The following ARSJ variants were observed in gnomAD, a reference collection of about 807,000 sequenced individuals.
ARSJ encodes arylsulfatase family member J.
Under a neutral mutation model 35.9 loss-of-function variants are expected in ARSJ, and 26 were observed. The observed-to-expected ratio is 0.72, with a 90% CI of 0.53 to 1.00. The LOEUF is 1.00. Among genes scored for constraint, ARSJ ranks in the 50% least tolerant of loss-of-function variants. The probability of loss-of-function intolerance (pLI) is 0.00; values close to 1 mark genes in which losing one functional copy is unlikely to be tolerated. For synonymous variants in ARSJ, 294 were observed against 267.6 expected (o/e 1.10, Z -0.96); for missense variants, 667 against 723.6 (o/e 0.92, Z 0.90).
At chr4:113,907,259 A>G (rs553703180) in intron 1 of ARSJ, among the ~76,000 whole-genome samples, 7 of 152,362 alleles carry the variant, frequency 4.6e-5, no homozygotes, top group African/African-American at 1.7e-4. Context: ...AAATTTGAGA[A>G]TGATTTTTTT....
At chr4:113,973,622 C>CCAA (rs1727416161) in intron 1 of ARSJ, among the ~76,000 whole-genome samples, 1 of 152,136 alleles carries the variant, frequency 6.6e-6, no homozygotes, top group African/African-American at 2.4e-5. Context: ...CATTTCTTTA[C>CCAA]CCAATTCACT....
chr4:113,927,022 C>A (rs1724113291), intron 1 of ARSJ, among the ~76,000 whole-genome samples: 1 of 152,144 alleles, frequency 6.6e-6, no homozygotes, highest in Non-Finnish European at 1.5e-5. Flanking sequence ...GCTTGCACAG[C>A]AGCCTGGAGC....
intron 1 of ARSJ, among the ~76,000 whole-genome samples, chr4:113,969,994 AG>A (rs1231484242): frequency 6.6e-6 from 1 of 152,236 alleles, no homozygotes; most frequent in Non-Finnish European, 1.5e-5. Flanking sequence ...GAAAGGAGTA[AG>A]AAAGCTCATC....
At chr4:113,974,899 C>T (rs1265414933) in intron 1 of ARSJ, among the ~76,000 whole-genome samples, 2 of 151,998 alleles carry the variant, frequency 1.3e-5, no homozygotes, top group Admixed American at 1.3e-4. Flanking sequence ...TTATAATAAC[C>T]CAACTATGAA....
intron 1 of ARSJ, among the ~76,000 whole-genome samples, chr4:113,961,606 C>T (rs1726542304): frequency 6.6e-6 from 1 of 152,060 alleles, no homozygotes; most frequent in Non-Finnish European, 1.5e-5. Flanking sequence ...GAGTACTTTG[C>T]TTTTGGAGAA....
chr4:113,972,631 T>G (rs1377631350), intron 1 of ARSJ, among the ~76,000 whole-genome samples: 1 of 152,154 alleles, frequency 6.6e-6, no homozygotes, highest in Non-Finnish European at 1.5e-5. Flanking sequence ...CACCTCAGCC[T>G]CCCTAGTATC....
chr4:113,969,080 C>A (rs967347403), intron 1 of ARSJ, among the ~76,000 whole-genome samples: 2 of 152,096 alleles, frequency 1.3e-5, no homozygotes, highest in African/African-American at 4.8e-5. Flanking sequence ...AGTAATTAAT[C>A]ACTGGCCTTT....
chr4:113,938,368 C>T (rs959230607), intron 1 of ARSJ, among the ~76,000 whole-genome samples: 1 of 152,050 alleles, frequency 6.6e-6, no homozygotes, highest in Non-Finnish European at 1.5e-5. Flanking sequence ...CCCTTCCTTA[C>T]ACTTTATACA....
At chr4:113,949,833 C>G (rs1365069085) in intron 1 of ARSJ, among the ~76,000 whole-genome samples, 1 of 152,110 alleles carries the variant, frequency 6.6e-6, no homozygotes, top group African/African-American at 2.4e-5. Context: ...GCGATCTGTA[C>G]TCCACTCCAA....
At chr4:113,928,457 C>T (rs568806837) in intron 1 of ARSJ, among the ~76,000 whole-genome samples, 1 of 152,274 alleles carries the variant, frequency 6.6e-6, no homozygotes, top group South Asian at 2.1e-4. Context: ...GTCCATTCTA[C>T]CTAGAAGTTT....
chr4:113,908,807 AATTT>A (rs1242178045), intron 1 of ARSJ, among the ~76,000 whole-genome samples: 1 of 152,172 alleles, frequency 6.6e-6, no homozygotes, highest in African/African-American at 2.4e-5. Flanking sequence ...ATGTAAGTAG[AATTT>A]CTTTTATTTC....
intron 1 of ARSJ, among the ~76,000 whole-genome samples, chr4:113,965,466 T>C (rs1726833398): frequency 6.6e-6 from 1 of 152,058 alleles, no homozygotes; most frequent in African/African-American, 2.4e-5. Flanking sequence ...TTGGCCAAGA[T>C]ACCTTACTTC....
chr4:113,909,283 C>T (rs17046591), intron 1 of ARSJ, among the ~76,000 whole-genome samples: 5,263 of 151,946 alleles, frequency 0.035, 317 homozygotes, highest in African/African-American at 0.12. Context: ...TGATTTCAAC[C>T]CATTGTGGAA....
At chr4:113,951,413 C>G (rs749722154) in intron 1 of ARSJ, among the ~76,000 whole-genome samples, 8 of 152,050 alleles carry the variant, frequency 5.3e-5, no homozygotes, top group Non-Finnish European at 8.8e-5. Context: ...CTCTTACAAT[C>G]TGGCACTTTG....
chr4:113,974,127 A>G (rs1235117792), intron 1 of ARSJ, among the ~76,000 whole-genome samples: 1 of 152,174 alleles, frequency 6.6e-6, no homozygotes, highest in African/African-American at 2.4e-5. Flanking sequence ...ACACCATACT[A>G]AAAACTAATT....
intron 1 of ARSJ, among the ~76,000 whole-genome samples, chr4:113,977,382 C>A (rs1727650342): frequency 6.6e-6 from 1 of 152,200 alleles, no homozygotes. Flanking sequence ...AAGCAAAAGT[C>A]TCTGCGAGAC....
chr4:113,960,274 G>A (rs1434539491), intron 1 of ARSJ, among the ~76,000 whole-genome samples: 1 of 152,070 alleles, frequency 6.6e-6, no homozygotes, highest in African/African-American at 2.4e-5. Flanking sequence ...CTACAGCTTA[G>A]TTATTGAATA....
rs1229475932 is a variant in ARSJ at position 113,903,203 on chromosome 4, T to C, written c.871A>G (p.Arg291Gly). 1.2e-6 allele frequency: 2 copies of C among 1,614,066 alleles called. No individual in the cohort carries two copies. The highest frequency in any genetic ancestry group is 1.7e-6 in the Non-Finnish European group (2 of 1,180,012). Residue 291 changes from arginine to glycine, a missense_variant, in exon 2 of 2, where the codon AGG becomes GGG. Coordinates refer to ENST00000315366, the MANE Select transcript of ARSJ (RefSeq NM_024590.4). ...HYRSIININR[R>G]RYAAMLSCLD... ...CAGGAAAGCATGGCAGCATATCTCC[T>C]CCTGTTTATGTTGATAATGGATCGG... is the stretch of plus-strand genomic sequence containing the variant.
chr4:113,948,710 C>T (rs1165897027), intron 1 of ARSJ, among the ~76,000 whole-genome samples: 3 of 152,002 alleles, frequency 2.0e-5, no homozygotes, highest in African/African-American at 7.2e-5. Flanking sequence ...TATTGGAAAA[C>T]CTAACAATTA....
Sources: gnomAD v4.1 joint callset for allele counts (sites outside exome capture counted in the v4.1 genomes callset) on GRCh38, gnomAD v4.1.1 for gene constraint, MANE v1.5 for transcripts, NCBI Gene and HGNC (gene_info 2026-07-23, HGNC 2026-07-21) for gene names.